Variants in TEAD1 observed in about 807,000 individuals in gnomAD.
The protein encoded by TEAD1 is transcriptional enhancer factor TEF-1.
A neutral mutation model predicts 54.9 loss-of-function variants in TEAD1; 9 were observed. That is an observed-to-expected ratio of 0.16 (90% CI 0.10 to 0.29). The LOEUF is 0.29. Ranked by LOEUF, TEAD1 falls within the 10% of genes least tolerant of loss-of-function variation. TEAD1 has a pLI of 1.00. For missense variants in TEAD1, 387 were observed against 535.9 expected (o/e 0.72, Z 2.74); for synonymous variants, 200 against 187.8 (o/e 1.07, Z -0.53).
At chr11:12,690,241 C>CA (rs1173617315) in intron 2 of TEAD1, among the ~76,000 whole-genome samples, 953 of 81,102 alleles carry the variant, frequency 0.012, 8 homozygotes, top group Middle Eastern at 0.017. Flanking sequence ...GACTCCGTCT[C>CA]AAAAAAAAAA....
intron 3 of TEAD1, among the ~76,000 whole-genome samples, chr11:12,780,821 C>G (rs1437608177): frequency 1.3e-5 from 2 of 152,102 alleles, no homozygotes; most frequent in Non-Finnish European, 2.9e-5. Flanking sequence ...ATCAGAATCC[C>G]AGGATCCCAT....
At position 12,937,267 on chromosome 11, in the gene TEAD1, A is replaced by T; in HGVS notation, c.*45A>T. 2 of 1,341,660 alleles carry T rather than the reference A, an allele frequency of 1.5e-6. No individual in the cohort carries two copies. The highest frequency in any genetic ancestry group is 1.2e-5 in the South Asian group (1 of 83,566). 83.1% of individuals were successfully genotyped at this position (1,341,660 alleles called of 1,614,324 possible). The stretch of plus-strand genomic sequence containing the variant: ...TAGATATCTGTATATACACACACAC[A>T]TATGTGCACACACACACTCTCTCTC... On this transcript the variant is annotated 3_prime_UTR_variant, in exon 13 of 13. Coordinates refer to ENST00000527636, the MANE Select transcript of TEAD1 (RefSeq NM_021961.6).
At chr11:12,747,797 T>G (rs1564926832) in intron 2 of TEAD1, among the ~76,000 whole-genome samples, 1 of 152,194 alleles carries the variant, frequency 6.6e-6, no homozygotes, top group Non-Finnish European at 1.5e-5. Flanking sequence ...AATCTTTACA[T>G]CAGGTGGCTA....
At chr11:12,861,646 G>A (rs1478934855) in intron 3 of TEAD1, among the ~76,000 whole-genome samples, 1 of 152,164 alleles carries the variant, frequency 6.6e-6, no homozygotes, top group Non-Finnish European at 1.5e-5. Flanking sequence ...TTATATGAGT[G>A]ACCCACCACC....
chr11:12,815,659 T>C (rs1026174464), intron 3 of TEAD1, among the ~76,000 whole-genome samples: 15 of 152,226 alleles, frequency 9.9e-5, no homozygotes, highest in Non-Finnish European at 1.8e-4. Context: ...TTGGACTAAA[T>C]TGTAATCTGG....
chr11:12,824,005 C>T (rs531815114), intron 3 of TEAD1, among the ~76,000 whole-genome samples: 21 of 152,058 alleles, frequency 1.4e-4, no homozygotes, highest in Non-Finnish European at 2.2e-4. Flanking sequence ...TTCACTTCTC[C>T]GAGACACCAG....
At chr11:12,752,621 G>T (rs1219275958) in intron 2 of TEAD1, among the ~76,000 whole-genome samples, 1 of 151,908 alleles carries the variant, frequency 6.6e-6, no homozygotes, top group Non-Finnish European at 1.5e-5. Context: ...ATATTCTATT[G>T]CTGTCCCATA....
chr11:12,675,285 G>C (rs1203752654), intron 1 of TEAD1, 124 bp from the exon 2 acceptor site: 1 of 152,136 alleles, frequency 6.6e-6, no homozygotes, highest in South Asian at 2.1e-4. Flanking sequence ...TTTCGCCGCC[G>C]CCCCCCGGCG....
chr11:12,779,539 G>A (rs1408075943), intron 3 of TEAD1, among the ~76,000 whole-genome samples: 1 of 152,164 alleles, frequency 6.6e-6, no homozygotes, highest in African/African-American at 2.4e-5. Context: ...ACTTCAGTGT[G>A]AAGATTAAAT....
intron 9 of TEAD1, among the ~76,000 whole-genome samples, chr11:12,891,771 TTACCCCA>T (rs1391025950): frequency 6.6e-6 from 1 of 152,216 alleles, no homozygotes; most frequent in Non-Finnish European, 1.5e-5. Flanking sequence ...AAAATGACAC[TTACCCCA>T]CTATCTGGGA....
At chr11:12,885,052 TTC>T (rs1948058643) in intron 9 of TEAD1, among the ~76,000 whole-genome samples, 1 of 152,126 alleles carries the variant, frequency 6.6e-6, no homozygotes, top group Non-Finnish European at 1.5e-5. Flanking sequence ...ATCAGATAGG[TTC>T]TGTTTTCCCC....
At chr11:12,877,335 C>T (rs929376483) in intron 5 of TEAD1, among the ~76,000 whole-genome samples, 6 of 152,188 alleles carry the variant, frequency 3.9e-5, no homozygotes, top group Admixed American at 3.3e-4. Flanking sequence ...TTTTCAGTCA[C>T]AGCCAGAGTA....
At chr11:12,773,508 A>G (rs1945354489) in intron 3 of TEAD1, among the ~76,000 whole-genome samples, 1 of 152,204 alleles carries the variant, frequency 6.6e-6, no homozygotes, top group Non-Finnish European at 1.5e-5. Flanking sequence ...GCATTTCCTT[A>G]AAGACTAACG....
chr11:12,886,930 C>G (rs1194562977), intron 9 of TEAD1, among the ~76,000 whole-genome samples: 1 of 152,110 alleles, frequency 6.6e-6, no homozygotes, highest in East Asian at 1.9e-4. Context: ...TAGACATTAC[C>G]AGCCAGAGCT....
intron 3 of TEAD1, among the ~76,000 whole-genome samples, chr11:12,803,095 C>G (rs1433070370): frequency 6.8e-6 from 1 of 147,044 alleles, no homozygotes; most frequent in Non-Finnish European, 1.5e-5. Context: ...CTAACATTTT[C>G]ACCTGTATTT....
intron 2 of TEAD1, among the ~76,000 whole-genome samples, chr11:12,754,947 C>T (rs937469683): frequency 6.6e-6 from 1 of 152,208 alleles, no homozygotes; most frequent in Non-Finnish European, 1.5e-5. Context: ...AGGCCCTGGA[C>T]TACTTTTGTA....
At chr11:12,917,830 C>T (rs1018689272) in intron 10 of TEAD1, among the ~76,000 whole-genome samples, 4 of 152,160 alleles carry the variant, frequency 2.6e-5, no homozygotes, top group Non-Finnish European at 4.4e-5. Context: ...CTTCCCCAGC[C>T]ATATTTCTAA....
At position 12,937,407 on chromosome 11, in the gene TEAD1, C is replaced by G. The variant is rs917919730; in HGVS notation, c.*185C>G. 11 of 527,072 alleles carry G rather than the reference C, an allele frequency of 2.1e-5. No homozygotes were observed. Among genetic ancestry groups the G allele is most frequent in the African/African-American group, 1.2e-4 (6 of 52,116 alleles). The allele number at this position is 527,072 out of a possible 1,614,324, so 32.6% of individuals were successfully genotyped here. A position where few individuals can be genotyped will look rare whatever the true frequency, so the allele number is the denominator to read the frequency against. ...GAAGTCATTTTTTCATGTGTTCATA[C>G]TATCATTGTAGCTGTGAAGTTCTGG... On this transcript the variant is annotated 3_prime_UTR_variant, in exon 13 of 13. Coordinates refer to ENST00000527636, the MANE Select transcript of TEAD1 (RefSeq NM_021961.6).
At chr11:12,758,159 T>C (rs1403809118) in intron 2 of TEAD1, among the ~76,000 whole-genome samples, 2 of 152,056 alleles carry the variant, frequency 1.3e-5, no homozygotes, top group Non-Finnish European at 2.9e-5. Flanking sequence ...TTACATAGTC[T>C]CTGCCCTCAG....
Sources: gnomAD v4.1 joint callset for allele counts (sites outside exome capture counted in the v4.1 genomes callset) on GRCh38, gnomAD v4.1.1 for gene constraint, MANE v1.5 for transcripts, NCBI Gene and HGNC (gene_info 2026-07-23, HGNC 2026-07-21) for gene names.